Variants in CYREN observed in about 807,000 individuals in gnomAD.
CYREN encodes the protein cell cycle regulator of NHEJ.
A neutral mutation model predicts 9.7 loss-of-function variants in CYREN; 7 were observed. The ratio of observed to expected loss-of-function variants is 0.72; its 90% CI spans 0.41 to 1.36. The LOEUF is 1.36. CYREN is among the 40% of genes most tolerant of loss of function. The probability of loss-of-function intolerance (pLI) is 0.01; values close to 1 mark genes in which losing one functional copy is unlikely to be tolerated. For synonymous variants in CYREN, 76 were observed against 77.9 expected, an observed-to-expected ratio of 0.98 and a Z score of 0.13; for missense variants, 215 against 198.1, an observed-to-expected ratio of 1.09 and a Z score of -0.51.
downstream of CYREN, chr7:135,164,777 G>A (rs754564466): frequency 2.1e-5 from 34 of 1,614,064 alleles, no homozygotes; most frequent in Admixed American, 6.7e-5. Flanking sequence ...ATGAGAGAGC[G>A]TGGCGGCTGG....
At chr7:135,132,289 A>G (rs532822575) in intron 2 of CYREN, among the ~76,000 whole-genome samples, 1 of 152,362 alleles carries the variant, frequency 6.6e-6, no homozygotes, top group African/African-American at 2.4e-5. Flanking sequence ...AATAGAATTC[A>G]GCTCTAAATA....
intron 2 of CYREN, among the ~76,000 whole-genome samples, chr7:135,134,366 T>C (rs987797131): frequency 4.6e-5 from 7 of 151,934 alleles, no homozygotes; most frequent in Non-Finnish European, 8.8e-5. Context: ...GCTGCAATTA[T>C]TAGTTTACAA....
intron 2 of CYREN, among the ~76,000 whole-genome samples, chr7:135,137,811 A>T (rs1829381230): frequency 6.6e-6 from 1 of 152,052 alleles, no homozygotes; most frequent in South Asian, 2.1e-4. Context: ...CAAGATCAAG[A>T]TGTCAACAGA....
intron 2 of CYREN, chr7:135,147,979 C>A: frequency 4.4e-6 from 2 of 455,362 alleles, no homozygotes; most frequent in Non-Finnish European, 8.8e-6. Flanking sequence ...TTACATACCT[C>A]ATTTCTGAAA....
intron 2 of CYREN, among the ~76,000 whole-genome samples, chr7:135,114,577 C>A (rs898135188): frequency 6.6e-6 from 1 of 151,696 alleles, no homozygotes; most frequent in African/African-American, 2.4e-5. Context: ...ACCACTGATT[C>A]CTCTCTTATT....
Position 135,115,738 on chromosome 7 carries a change from T to C in CYREN, n.357-21156A>G, listed in dbSNP as rs541441800. The C allele has an allele frequency of 1.1e-4, 87 of 768,928 alleles. No individual in the cohort carries two copies. The African/African-American group carries it at 1.4e-3, about 13-fold the overall frequency. The allele number at this position is 768,928 out of a possible 1,614,324, so 47.6% of individuals were successfully genotyped here. Reference sequence around the variant, plus strand: ...GAAAATGATGTCAGCTCCATCACATTTGGCAAAGAACAAAGACCCAAAGCT... The same window carrying C: ...GAAAATGATGTCAGCTCCATCACATCTGGCAAAGAACAAAGACCCAAAGCT... On this transcript the variant is annotated intron_variant and non_coding_transcript_variant, in intron 2 of 2. Coordinates refer to the CYREN transcript ENST00000459937.
At chr7:135,106,211 C>T (rs1824691498) in intron 2 of CYREN, among the ~76,000 whole-genome samples, 2 of 152,164 alleles carry the variant, frequency 1.3e-5, no homozygotes, top group South Asian at 4.1e-4. Flanking sequence ...TATTTGGATG[C>T]TCTTTATTTC....
At chr7:135,170,528 C>T (rs1401687382) in intron 1 of CYREN, 124 bp downstream of exon 1, 8 of 152,318 alleles carry the variant, frequency 5.3e-5, no homozygotes, top group Non-Finnish European at 1.2e-4. Flanking sequence ...CGGCCGCGCG[C>T]TCCTCCGGCC....
intron 2 of CYREN, among the ~76,000 whole-genome samples, chr7:135,105,513 G>C (rs1166040557): frequency 6.6e-6 from 1 of 152,180 alleles, no homozygotes. Context: ...GCTTGTTTTT[G>C]TCAGATTTGT....
At chr7:135,169,145 T>G (rs1373900743) in intron 1 of CYREN, 85 bp from the exon 2 acceptor site, 45 of 433,554 alleles carry the variant, frequency 1.0e-4, no homozygotes, top group Non-Finnish European at 1.6e-4. Flanking sequence ...AGGCCAGAAG[T>G]GACCAAGGCC....
rs140019104 is a variant in CYREN, at chr7:135,140,299, T to C, written n.356+28450A>G. Among the ~76,000 whole-genome samples, 198 of 152,258 alleles carry C rather than the reference T, an allele frequency of 1.3e-3. 1 individual carries two copies. Among genetic ancestry groups the C allele is most frequent in the Middle Eastern group, 6.8e-3 (2 of 294 alleles). On this transcript the variant is annotated intron_variant and non_coding_transcript_variant, in intron 2 of 2. Coordinates refer to the CYREN transcript ENST00000459937. Reference sequence around the variant, plus strand: ...TCACGTCCCTGGTTAGTTGTATTCGTAGGTATTTTTATCTACTTGTGGTTA... The same window carrying C: ...TCACGTCCCTGGTTAGTTGTATTCGCAGGTATTTTTATCTACTTGTGGTTA...
intron 2 of CYREN, among the ~76,000 whole-genome samples, chr7:135,159,451 C>A (rs542683988): frequency 6.6e-6 from 1 of 152,346 alleles, no homozygotes; most frequent in African/African-American, 2.4e-5. Flanking sequence ...TTAAATTAAT[C>A]TCCTGAGAAT....
At chr7:135,120,444 A>T (rs1826983916) in intron 2 of CYREN, among the ~76,000 whole-genome samples, 1 of 152,246 alleles carries the variant, frequency 6.6e-6, no homozygotes, top group African/African-American at 2.4e-5. Context: ...CAACCACTGA[A>T]AAAGCTGTTC....
downstream of CYREN, chr7:135,164,700 G>C: frequency 6.2e-7 from 1 of 1,614,230 alleles, no homozygotes; most frequent in Non-Finnish European, 8.5e-7. Context: ...CAGGCTTGGC[G>C]TGTACGGGTC....
intron 2 of CYREN, among the ~76,000 whole-genome samples, chr7:135,094,820 G>C (rs1202969656): frequency 6.6e-6 from 1 of 152,168 alleles, no homozygotes; most frequent in Non-Finnish European, 1.5e-5. Flanking sequence ...TAAGTTGTTT[G>C]TCAGATTTTT....
rs557241413 is a variant in CYREN at position 135,102,531 on chromosome 7, G to C, written n.357-7949C>G. On this transcript the variant is annotated intron_variant and non_coding_transcript_variant, in intron 2 of 2. Transcript: ENST00000459937. ...CACTTACTCATGTTCTCAGTATTAT[G>C]TGGCTATGACAAGCCAGTAGACCAT... is the stretch of plus-strand genomic sequence containing the variant. Among the ~76,000 whole-genome samples, 13 of 152,014 alleles carry C rather than the reference G, an allele frequency of 8.6e-5. No homozygotes were observed. In the South Asian group the frequency reaches 2.7e-3, roughly 32 times the overall value.
chr7:135,102,153 A>G (rs1395888904), intron 2 of CYREN, among the ~76,000 whole-genome samples: 1 of 152,184 alleles, frequency 6.6e-6, no homozygotes, highest in Non-Finnish European at 1.5e-5. Context: ...ATGGTAATTC[A>G]TGTTAGTTTA....
At chr7:135,136,423 A>G (rs1264014707) in intron 2 of CYREN, among the ~76,000 whole-genome samples, 4 of 152,124 alleles carry the variant, frequency 2.6e-5, no homozygotes, top group African/African-American at 9.7e-5. Flanking sequence ...GGAAATAGCT[A>G]TCTTCTAAAT....
At chr7:135,164,908 G>A (rs1157203260), downstream of CYREN, 1 of 1,614,228 alleles carries the variant, frequency 6.2e-7, no homozygotes, top group East Asian at 2.2e-5. Flanking sequence ...GCTCTGGGCA[G>A]CGCCCAGGCC....
Sources: allele counts gnomAD v4.1 joint callset (sites outside exome capture counted in the v4.1 genomes callset), GRCh38; gene constraint gnomAD v4.1.1; transcripts MANE v1.5; gene names NCBI Gene and HGNC (gene_info 2026-07-23, HGNC 2026-07-21).